AK5: variants seen among roughly 807,000 people sequenced by gnomAD.
AK5 encodes the protein adenylate kinase 5, also known as adenylate kinase isoenzyme 5.
AK5 carries 27 observed loss-of-function variants against 69.5 expected under a neutral mutation model. The ratio of observed to expected loss-of-function variants is 0.39; its 90% confidence interval spans 0.29 to 0.54. AK5 has a LOEUF of 0.54. Ranked by LOEUF, AK5 falls within the 20% of genes least tolerant of loss-of-function variation. The pLI is 0.71. For synonymous variants in AK5, 260 were observed against 244.4 expected (o/e 1.06, Z -0.60); for missense variants, 531 against 700.4 (o/e 0.76, Z 2.73).
chr1:77,472,312 G>A (rs956726101), intron 8 of AK5, among the ~76,000 whole-genome samples: 2 of 152,118 alleles, frequency 1.3e-5, no homozygotes, highest in African/African-American at 2.4e-5. Context: ...TTTTGTGGTC[G>A]CAGGGTGGCA....
intron 13 of AK5, among the ~76,000 whole-genome samples, chr1:77,538,322 G>A (rs1659079427): frequency 6.7e-6 from 1 of 148,336 alleles, no homozygotes; most frequent in Admixed American, 6.8e-5. Context: ...CTGGGCAACA[G>A]AGCAAGACTG....
chr1:77,514,079 A>G (rs1570289632), intron 10 of AK5, among the ~76,000 whole-genome samples: 1 of 152,290 alleles, frequency 6.6e-6, no homozygotes, highest in African/African-American at 2.4e-5. Context: ...TTCACAGTAC[A>G]TGCACTTTTC....
At chr1:77,427,060 T>C (rs1311565378) in intron 8 of AK5, among the ~76,000 whole-genome samples, 1 of 151,110 alleles carries the variant, frequency 6.6e-6, no homozygotes, top group African/African-American at 2.4e-5. Flanking sequence ...AAAAGAAAAA[T>C]TAAAACTAAT....
chr1:77,367,619 G>A (rs57889005), intron 6 of AK5, among the ~76,000 whole-genome samples: 1 of 83,154 alleles, frequency 1.2e-5, no homozygotes, highest in African/African-American at 5.5e-5. Context: ...TAATATATAT[G>A]TTATATATGT....
intron 6 of AK5, among the ~76,000 whole-genome samples, chr1:77,391,813 A>G (rs1211588944): frequency 3.0e-4 from 45 of 152,134 alleles, no homozygotes. Flanking sequence ...ATCAGAGCTG[A>G]CACATTTAAC....
At chr1:77,513,970 T>C (rs1009677607) in intron 10 of AK5, among the ~76,000 whole-genome samples, 3 of 152,204 alleles carry the variant, frequency 2.0e-5, no homozygotes, top group Admixed American at 6.5e-5. Flanking sequence ...TTAGACTCCC[T>C]GGGCTGGCAA....
chr1:77,392,246 T>G (rs1188708390), intron 6 of AK5, among the ~76,000 whole-genome samples: 1 of 152,226 alleles, frequency 6.6e-6, no homozygotes, highest in Non-Finnish European at 1.5e-5. Context: ...TTTTTCAGTA[T>G]TCCTCCTAAG....
At chr1:77,327,125 G>A (rs1186151098) in intron 5 of AK5, among the ~76,000 whole-genome samples, 3 of 152,152 alleles carry the variant, frequency 2.0e-5, no homozygotes, top group Non-Finnish European at 4.4e-5. Flanking sequence ...AATGCCTCAT[G>A]TCTGTAATCC....
chr1:77,557,621 CG>C (rs1475753442), intron 13 of AK5, among the ~76,000 whole-genome samples: 1 of 152,136 alleles, frequency 6.6e-6, no homozygotes, highest in Admixed American at 6.5e-5. Flanking sequence ...CTACACACTG[CG>C]GTCCTAGTCT....
At chr1:77,489,198 G>A (rs1018108260) in intron 10 of AK5, among the ~76,000 whole-genome samples, 2 of 152,170 alleles carry the variant, frequency 1.3e-5, no homozygotes, top group Admixed American at 6.5e-5. Context: ...TTTGGAATTA[G>A]ACAAAGCTCG....
chr1:77,548,272 A>G (rs533840287), intron 13 of AK5, among the ~76,000 whole-genome samples: 5 of 152,242 alleles, frequency 3.3e-5, no homozygotes, highest in South Asian at 4.2e-4. Context: ...CCTTCTTTCT[A>G]TGGCTTTGAT....
chr1:77,426,890 G>A (rs1485929251), intron 8 of AK5, among the ~76,000 whole-genome samples: 1 of 151,956 alleles, frequency 6.6e-6, no homozygotes, highest in Non-Finnish European at 1.5e-5. Flanking sequence ...TAACACTTGG[G>A]TCAAATAAAA....
chr1:77,432,198 A>G (rs1651684822), intron 8 of AK5, among the ~76,000 whole-genome samples: 1 of 152,140 alleles, frequency 6.6e-6, no homozygotes, highest in Non-Finnish European at 1.5e-5. Flanking sequence ...AAGTATCACC[A>G]TTCAATCATC....
intron 12 of AK5, among the ~76,000 whole-genome samples, chr1:77,528,010 G>A (rs1202868857): frequency 6.6e-6 from 1 of 152,206 alleles, no homozygotes; most frequent in African/African-American, 2.4e-5. Context: ...AGTGAGCCAA[G>A]ATCGCACCAC....
rs80070831 is a variant in AK5 at position 77,534,458 on chromosome 1, G to A, written c.1429-1389G>A. On this transcript the variant is annotated intron_variant, in intron 12 of 13. Coordinates refer to ENST00000354567, the MANE Select transcript of AK5 (RefSeq NM_174858.3). ...AGAATTCTTAATCCCTGCACACGGG[G>A]AACCTAAGCCTCATAGAGGAAATAA... Among the ~76,000 whole-genome samples the A allele has an allele frequency of 5.4e-3, 824 of 152,286 alleles. 8 individuals are homozygous for A. The highest frequency in any genetic ancestry group is 0.018 in the African/African-American group (759 of 41,556).
At position 77,297,734 on chromosome 1, in the gene AK5, G is replaced by T. The variant is rs781195510; in HGVS notation, c.585+6G>T. ...CTGGAGAATTGGCCCCACAGGTACT[G>T]CTGTATAATTATCTTTTATTCTGCA... On this transcript the variant is annotated splice_donor_region_variant and intron_variant, in intron 4 of 13. Transcript: ENST00000354567. The T allele has an allele frequency of 6.2e-7, 1 of 1,609,500 alleles. No individual in the cohort carries two copies. The highest frequency in any genetic ancestry group is 1.7e-4 in the Middle Eastern group (1 of 6,012).
At chr1:77,440,943 T>C (rs1331810786) in intron 8 of AK5, among the ~76,000 whole-genome samples, 1 of 152,156 alleles carries the variant, frequency 6.6e-6, no homozygotes, top group Non-Finnish European at 1.5e-5. Flanking sequence ...GAGACGGGGT[T>C]TCGCCATGTT....
At position 77,559,393 on chromosome 1, in the gene AK5, G is replaced by A. The variant is rs1486831168; in HGVS notation, c.*723G>A. 2.6e-5 allele frequency: 4 copies of A among 152,136 alleles called. No individual in the cohort carries two copies. The highest frequency in any genetic ancestry group is 7.2e-5 in the African/African-American group (3 of 41,414). 9.4% of individuals were successfully genotyped at this position (152,136 alleles called of 1,614,324 possible). A position where few individuals can be genotyped will look rare whatever the true frequency, so the allele number is the denominator to read the frequency against. Reference sequence around the variant, plus strand: ...GCTAAGAGAACAAATCTGATAAATTGTGTAACCTAGTCTCTTCTCTACATG... The same window carrying A: ...GCTAAGAGAACAAATCTGATAAATTATGTAACCTAGTCTCTTCTCTACATG... On this transcript the variant is annotated 3_prime_UTR_variant, in exon 14 of 14. Transcript: ENST00000354567.
At chr1:77,496,468 G>T (rs1349667606) in intron 10 of AK5, among the ~76,000 whole-genome samples, 1 of 152,232 alleles carries the variant, frequency 6.6e-6, no homozygotes, top group Non-Finnish European at 1.5e-5. Context: ...CTAGGCTTCA[G>T]CAGGAGGTCA....
Sources: allele counts gnomAD v4.1 joint callset (sites outside exome capture counted in the v4.1 genomes callset), GRCh38; gene constraint gnomAD v4.1.1; transcripts MANE v1.5; gene names NCBI Gene and HGNC (gene_info 2026-07-23, HGNC 2026-07-21).